Variants in NEBL observed in about 807,000 individuals in gnomAD.
NEBL encodes nebulette.
Under a neutral mutation model 140.2 loss-of-function variants are expected in NEBL, and 122 were observed. The observed-to-expected ratio is 0.87, with a 90% CI of 0.75 to 1.01. NEBL has a LOEUF of 1.01. NEBL is among the 50% of genes least tolerant of loss of function. The pLI, the probability that NEBL is intolerant of heterozygous loss-of-function variation, is 0.00. For missense variants in NEBL, 1,365 were observed against 1,231.3 expected (o/e 1.11, Z -1.62); for synonymous variants, 436 against 398.9 (o/e 1.09, Z -1.11).
chr10:20,966,338 C>T (rs1325997438), intron 3 of NEBL, among the ~76,000 whole-genome samples: 1 of 152,158 alleles, frequency 6.6e-6, no homozygotes. Context: ...TTTCTGTGAT[C>T]TTAATTTGTT....
At chr10:20,950,378 A>G (rs959806909) in intron 4 of NEBL, among the ~76,000 whole-genome samples, 2 of 152,196 alleles carry the variant, frequency 1.3e-5, no homozygotes, top group Admixed American at 1.3e-4. Context: ...TCCTGCCTCA[A>G]CCTATATTTC....
chr10:21,258,920 C>T (rs1464987535), intron 1 of NEBL, among the ~76,000 whole-genome samples: 1 of 151,942 alleles, frequency 6.6e-6, no homozygotes, highest in Non-Finnish European at 1.5e-5. Flanking sequence ...GTTCTAGGTA[C>T]TTTATGTAGT....
At chr10:21,067,522 T>C (rs1051831130) in intron 2 of NEBL, among the ~76,000 whole-genome samples, 1 of 152,162 alleles carries the variant, frequency 6.6e-6, no homozygotes, top group Non-Finnish European at 1.5e-5. Flanking sequence ...GAAACAGTTA[T>C]GTATGCCAAA....
At chr10:21,288,818 G>GTATATATATATATA (rs757155594) in intron 1 of NEBL, among the ~76,000 whole-genome samples, 2,740 of 31,562 alleles carry the variant, frequency 0.087, 173 homozygotes, top group Middle Eastern at 0.12. Flanking sequence ...ACGTGTGTGT[G>GTATATATATATATA]TGTATATATA....
chr10:21,002,437 T>C (rs1837944822), intron 3 of NEBL, among the ~76,000 whole-genome samples: 1 of 152,212 alleles, frequency 6.6e-6, no homozygotes, highest in Non-Finnish European at 1.5e-5. Context: ...TGTTAGATGA[T>C]ATTTGTATTT....
upstream of NEBL, among the ~76,000 whole-genome samples, chr10:20,898,941 T>C (rs950568289): frequency 5.9e-5 from 9 of 152,318 alleles, no homozygotes; most frequent in South Asian, 4.1e-4. Flanking sequence ...GAACTAGTTT[T>C]TGATACAGGC....
In NEBL at chr10:20,782,292, G is replaced by A. The variant is rs1188665227; in HGVS notation, c.*3455C>T. The A allele has an allele frequency of 6.6e-6, 1 of 152,458 alleles. No homozygotes were observed. Among genetic ancestry groups the A allele is most frequent in the Admixed American group, 6.6e-5 (1 of 15,242 alleles). The allele number at this position is 152,458 out of a possible 1,614,324, so 9.4% of individuals were successfully genotyped here. Reference sequence around the variant, plus strand: ...CTAGACAAACAAGAGTAATCAAAAAGGCACCTATATTTGTATATATCTGTA... The same window carrying A: ...CTAGACAAACAAGAGTAATCAAAAAAGCACCTATATTTGTATATATCTGTA... On this transcript the variant is annotated 3_prime_UTR_variant, in exon 28 of 28. Transcript: ENST00000377122.
chr10:21,103,443 C>T (rs1234062828), intron 2 of NEBL, among the ~76,000 whole-genome samples: 1 of 152,106 alleles, frequency 6.6e-6, no homozygotes, highest in Non-Finnish European at 1.5e-5. Context: ...TCCATCTCCT[C>T]ACCTCCTGAT....
chr10:21,046,975 G>GA (rs760088548), intron 2 of NEBL, among the ~76,000 whole-genome samples: 10 of 151,954 alleles, frequency 6.6e-5, no homozygotes, highest in Admixed American at 1.3e-4. Context: ...TTTGGATGGG[G>GA]AAAAAAACAA....
At chr10:21,074,438 C>T (rs982129320) in intron 2 of NEBL, among the ~76,000 whole-genome samples, 15 of 151,810 alleles carry the variant, frequency 9.9e-5, no homozygotes, top group African/African-American at 3.4e-4. Flanking sequence ...TTGTACATCT[C>T]TTGTAAAATG....
chr10:21,169,029 A>C (rs1840927158), intron 2 of NEBL, among the ~76,000 whole-genome samples: 1 of 129,426 alleles, frequency 7.7e-6, no homozygotes, highest in African/African-American at 2.9e-5. Context: ...AGCCTGCGCT[A>C]CAGAGTGAGA....
At chr10:21,029,307 A>G (rs1833679389) in intron 2 of NEBL, 2 of 1,609,668 alleles carry the variant, frequency 1.2e-6, no homozygotes, top group African/African-American at 2.7e-5. Context: ...TAGGGAACCT[A>G]TCCTATGATG....
At chr10:21,127,896 AG>A (rs1331042520) in intron 2 of NEBL, among the ~76,000 whole-genome samples, 1 of 152,246 alleles carries the variant, frequency 6.6e-6, no homozygotes, top group Non-Finnish European at 1.5e-5. Flanking sequence ...TGCAATTGAA[AG>A]AGATAACCAA....
intron 26 of NEBL, among the ~76,000 whole-genome samples, chr10:20,791,123 T>C (rs191382158): frequency 3.9e-5 from 6 of 152,276 alleles, no homozygotes; most frequent in African/African-American, 1.2e-4. Context: ...TACACAGAAG[T>C]GTGACTCAAC....
intron 18 of NEBL, among the ~76,000 whole-genome samples, chr10:20,823,800 G>GA (rs1839585412): frequency 6.6e-6 from 1 of 151,752 alleles, no homozygotes; most frequent in South Asian, 2.1e-4. Context: ...ATAGAATAAG[G>GA]AAAAAAATAA....
At chr10:20,834,768 C>T (rs372603264) in intron 14 of NEBL, among the ~76,000 whole-genome samples, 4 of 152,348 alleles carry the variant, frequency 2.6e-5, no homozygotes, top group South Asian at 4.1e-4. Context: ...AGCTTCTTTA[C>T]TCCAGTGATC....
At chr10:21,240,858 G>A (rs770311572) in intron 3 of NEBL, among the ~76,000 whole-genome samples, 9 of 151,146 alleles carry the variant, frequency 6.0e-5, no homozygotes, top group South Asian at 2.1e-4. Flanking sequence ...GGAAGAAAAG[G>A]AGGAGGAACA....
intron 3 of NEBL, among the ~76,000 whole-genome samples, chr10:21,236,710 A>G (rs920156821): frequency 2.0e-5 from 3 of 152,180 alleles, no homozygotes; most frequent in Admixed American, 2.0e-4. Flanking sequence ...CAAATTAAAT[A>G]TAAATTTAAA....
intron 27 of NEBL, 71 bp from the exon 28 acceptor site, chr10:20,785,994 A>G: frequency 5.8e-6 from 8 of 1,385,744 alleles, no homozygotes; most frequent in Non-Finnish European, 8.2e-6. Context: ...ATCACAACAC[A>G]CCGACCCACA....
Sources: allele counts gnomAD v4.1 joint callset (sites outside exome capture counted in the v4.1 genomes callset), GRCh38; gene constraint gnomAD v4.1.1; transcripts MANE v1.5; gene names NCBI Gene and HGNC (gene_info 2026-07-23, HGNC 2026-07-21).